The following MYO10 variants were observed in gnomAD, a reference collection of about 807,000 sequenced individuals.
MYO10 encodes the protein unconventional myosin-X.
Under a neutral mutation model 257.3 loss-of-function variants are expected in MYO10, and 133 were observed. The observed-to-expected ratio is 0.52, with a 90% CI of 0.45 to 0.60. MYO10 has a LOEUF of 0.60. Among genes scored for constraint, MYO10 ranks in the 20% least tolerant of loss-of-function variants. MYO10 has a pLI of 0.00. For synonymous variants in MYO10, 1,104 were observed against 1,028.6 expected (o/e 1.07, Z -1.40); for missense variants, 2,399 against 2,635.7 (o/e 0.91, Z 1.97).
chr5:16,700,839 A>G, intron 25 of MYO10, 124 bp downstream of exon 25: 1 of 1,219,700 alleles, frequency 8.2e-7, no homozygotes, highest in Non-Finnish European at 1.1e-6. Flanking sequence ...GATGATCTCT[A>G]AGACCACGAC....
At chr5:16,853,531 T>G (rs1334255945) in intron 2 of MYO10, among the ~76,000 whole-genome samples, 1 of 152,206 alleles carries the variant, frequency 6.6e-6, no homozygotes, top group Non-Finnish European at 1.5e-5. Context: ...CAAGGAAATA[T>G]TCATGACAGC....
intron 1 of MYO10, among the ~76,000 whole-genome samples, chr5:16,917,119 C>T (rs1313422753): frequency 1.3e-5 from 2 of 152,084 alleles, no homozygotes; most frequent in African/African-American, 4.8e-5. Context: ...ATAAAACAAA[C>T]ATATAACTAT....
rs1262274896 is a variant in MYO10, at chr5:16,663,401, TTTAAAAA to T, written c.*3284_*3290del. On this transcript the variant is annotated 3_prime_UTR_variant, in exon 41 of 41. Transcript: ENST00000513610. ...CCTATATGTATTAGCTTTCAAAAGA[TTTAAAAA>T]TTAAAAATACTAGATTGTCAGCGTC... is the stretch of plus-strand genomic sequence containing the variant. The T allele has an allele frequency of 7.6e-6, 1 of 132,084 alleles. No homozygotes were observed. The highest frequency in any genetic ancestry group is 3.0e-5 in the African/African-American group (1 of 33,782). The allele number at this position is 132,084 out of a possible 1,614,324, so 8.2% of individuals were successfully genotyped here.
intron 1 of MYO10, among the ~76,000 whole-genome samples, chr5:16,917,879 A>G (rs907003402): frequency 6.6e-6 from 1 of 152,128 alleles, no homozygotes; most frequent in African/African-American, 2.4e-5. Flanking sequence ...TGGGTCCAAA[A>G]AAAAAGTAAT....
At chr5:16,832,923 G>T (rs1255771870) in intron 2 of MYO10, among the ~76,000 whole-genome samples, 2 of 152,074 alleles carry the variant, frequency 1.3e-5, no homozygotes, top group African/African-American at 4.8e-5. Flanking sequence ...TCCCTCCATT[G>T]CCAACCACTG....
intron 29 of MYO10, among the ~76,000 whole-genome samples, chr5:16,685,378 T>C (rs757720971): frequency 3.3e-5 from 5 of 151,848 alleles, no homozygotes; most frequent in Non-Finnish European, 7.4e-5. Flanking sequence ...GCCTGGATAA[T>C]TTTTAATTTT....
At chr5:16,807,346 G>C (rs190090530) in intron 3 of MYO10, among the ~76,000 whole-genome samples, 1 of 152,106 alleles carries the variant, frequency 6.6e-6, no homozygotes, top group Admixed American at 6.6e-5. Context: ...ACCCAAATGA[G>C]TAATCCAGTA....
intron 2 of MYO10, among the ~76,000 whole-genome samples, chr5:16,856,295 A>C (rs185430688): frequency 3.3e-4 from 51 of 152,324 alleles, no homozygotes; most frequent in African/African-American, 1.2e-3. Context: ...ACTGTGGCTC[A>C]CGCCTGTAAT....
At position 16,672,911 on chromosome 5, in the gene MYO10, G is replaced by T. The variant is rs192848364; in HGVS notation, c.5173-86C>A. 11 of 1,468,642 alleles carry T rather than the reference G, an allele frequency of 7.5e-6. No homozygotes were observed. The East Asian group carries it at 2.5e-4, about 33-fold the overall frequency. 91.0% of individuals were successfully genotyped at this position (1,468,642 alleles called of 1,614,324 possible). On this transcript the variant is annotated intron_variant, in intron 36 of 40. Coordinates refer to ENST00000513610, the MANE Select transcript of MYO10 (RefSeq NM_012334.3). Reference sequence around the variant, plus strand: ...GAACGTGCCATCACCTGATCCCAGAGGGAGCTGCTGGCACAAGGGCGTCTC... The same window carrying T: ...GAACGTGCCATCACCTGATCCCAGATGGAGCTGCTGGCACAAGGGCGTCTC...
chr5:16,831,090 A>C (rs1222396045), intron 2 of MYO10, among the ~76,000 whole-genome samples: 1 of 152,222 alleles, frequency 6.6e-6, no homozygotes, highest in Non-Finnish European at 1.5e-5. Flanking sequence ...AAAAGATGAT[A>C]CACAAATGGC....
intron 1 of MYO10, among the ~76,000 whole-genome samples, chr5:16,935,460 G>T (rs1046503811): frequency 6.6e-6 from 1 of 152,104 alleles, no homozygotes; most frequent in African/African-American, 2.4e-5. Context: ...GCAGTCGAGC[G>T]GGCGGATCGC....
Position 16,727,164 on chromosome 5 carries a change from T to C in MYO10, c.1930-15919A>G, listed in dbSNP as rs1007958073. ...CATTTTGGATATAGTAAAAAAAATA[T>C]GTTGTTAAAACTGCTTTCACAAAAA... On this transcript the variant is annotated intron_variant, in intron 19 of 40. Transcript: ENST00000513610. Among the ~76,000 whole-genome samples, 4 of 152,320 alleles carry C rather than the reference T, an allele frequency of 2.6e-5. 1 individual carries two copies. In the South Asian group the frequency reaches 6.2e-4, roughly 24 times the overall value.
chr5:16,852,240 A>G (rs1743831250), intron 2 of MYO10, among the ~76,000 whole-genome samples: 1 of 150,398 alleles, frequency 6.6e-6, no homozygotes. Context: ...CAGGCTAAAA[A>G]AAAAAAAAAA....
chr5:16,669,300 ACCTCCT>A (rs1487677260), intron 39 of MYO10, among the ~76,000 whole-genome samples: 1 of 151,306 alleles, frequency 6.6e-6, no homozygotes, highest in East Asian at 1.9e-4. Context: ...TGCAACCTCC[ACCTCCT>A]GAGTTCAAGC....
chr5:16,768,664 CTT>C lies in MYO10; in HGVS notation c.1060+408_1060+409del, dbSNP rs34950225. On this transcript the variant is annotated intron_variant, in intron 10 of 40. Coordinates refer to ENST00000513610, the MANE Select transcript of MYO10 (RefSeq NM_012334.3). ...AAGGAGTCAGAACATTTTCTCTTTT[CTT>C]TTTTTTTTTTTTTTTTTTTTTTTGG... Among the ~76,000 whole-genome samples, 182 of 70,160 alleles carry C rather than the reference CTT, an allele frequency of 2.6e-3. 1 individual carries two copies. Among genetic ancestry groups the C allele is most frequent in the African/African-American group, 7.9e-3 (143 of 18,008 alleles). The allele number at this position is 70,160 out of a possible 152,430, so 46.0% of individuals were successfully genotyped here.
At position 16,702,844 on chromosome 5, in the gene MYO10, TTTCTGGCTGCAC is replaced by T. The variant is rs1738146453; in HGVS notation, c.2510+69_2510+80del. 3 of 1,304,896 alleles carry T rather than the reference TTTCTGGCTGCAC, an allele frequency of 2.3e-6. No homozygotes were observed. In the African/African-American group the frequency reaches 4.5e-5, roughly 20 times the overall value. The allele number at this position is 1,304,896 out of a possible 1,614,324, so 80.8% of individuals were successfully genotyped here. On this transcript the variant is annotated intron_variant, in intron 23 of 40. Transcript: ENST00000513610. ...GTAGGTTCTGGGGCATCTGCTGGGA[TTTCTGGCTGCAC>T]AGACAGATACCGAGCACAGCACTCA...
At chr5:16,877,038 A>C (rs371040525) in intron 2 of MYO10, among the ~76,000 whole-genome samples, 22 of 152,058 alleles carry the variant, frequency 1.4e-4, no homozygotes, top group Admixed American at 5.2e-4. Context: ...GCCCAGCAAG[A>C]AGCTGGCTGG....
Position 16,676,117 on chromosome 5 carries a change from T to C in MYO10, c.4580A>G (p.Tyr1527Cys), listed in dbSNP as rs1736712154. 1 of 1,613,434 alleles carries C rather than the reference T, an allele frequency of 6.2e-7. No individual in the cohort carries two copies. The highest frequency in any genetic ancestry group is 8.5e-7 in the Non-Finnish European group (1 of 1,179,712). The change falls in exon 34 of 41, where the codon TAC becomes TGC. Residue 1527 changes from tyrosine to cysteine, a missense_variant. Tyr to Cys is a radical substitution (Grantham distance 194, BLOSUM62 -2). Around this residue, in one of 3 missense-constraint regions of MYO10, gnomAD observed 1,820 missense variants for 1,939.4 expected, o/e 0.94. Transcript: ENST00000513610. ...GTATCGAAGGATCGGGTTCCGCTTG[T>C]AAATCTGTTCCACCACATCCGAGTT... ...CLNSDVVEQI[Y>C]KRNPILRYTH... is the part of the protein sequence containing the mutation.
chr5:16,765,838 C>T (rs1456561042), intron 11 of MYO10, among the ~76,000 whole-genome samples: 1 of 152,112 alleles, frequency 6.6e-6, no homozygotes, highest in Non-Finnish European at 1.5e-5. Flanking sequence ...AATCTGCATT[C>T]GACCCATCCT....
Sources: allele counts gnomAD v4.1 joint callset (sites outside exome capture counted in the v4.1 genomes callset), GRCh38; gene constraint gnomAD v4.1.1; regional missense constraint gnomAD v4.1.1; transcripts MANE v1.5; gene names NCBI Gene and HGNC (gene_info 2026-07-23, HGNC 2026-07-21).